Variants in PRDM16 observed in about 807,000 individuals in gnomAD.
PRDM16 encodes the protein histone-lysine N-methyltransferase PRDM16.
PRDM16 carries 23 observed loss-of-function variants against 110.6 expected under a neutral mutation model. The observed-to-expected ratio is 0.21, with a 90% CI of 0.15 to 0.29. PRDM16 has a LOEUF of 0.29. Ranked by LOEUF, PRDM16 falls within the 10% of genes least tolerant of loss-of-function variation. The pLI is 1.00. For synonymous variants in PRDM16, 799 were observed against 781.8 expected, an observed-to-expected ratio of 1.02 and a Z score of -0.37; for missense variants, 1,615 against 1,794.3, an observed-to-expected ratio of 0.90 and a Z score of 1.81.
rs117150953 is a variant in PRDM16 at position 3,237,623 on chromosome 1, C to T, written c.388-6464C>T. Among the ~76,000 whole-genome samples, 30 of 152,342 alleles carry T rather than the reference C, an allele frequency of 2.0e-4. No homozygotes were observed. The East Asian group carries it at 5.4e-3, about 27-fold the overall frequency. ...CATGAAGGGGTGTGGAGCCTGCTCC[C>T]GGGGGCCAGGGAGAGGAAGAGCAGT... is the stretch of plus-strand genomic sequence containing the variant. On this transcript the variant is annotated intron_variant, in intron 2 of 16. Transcript: ENST00000270722.
chr1:3,124,171 G>A (rs544670560), intron 1 of PRDM16, among the ~76,000 whole-genome samples: 1 of 152,344 alleles, frequency 6.6e-6, no homozygotes, highest in African/African-American at 2.4e-5. Flanking sequence ...GGCCACAGTG[G>A]CTCCTGGAGT....
At chr1:3,348,081 T>C (rs1642398121) in intron 3 of PRDM16, among the ~76,000 whole-genome samples, 2 of 152,226 alleles carry the variant, frequency 1.3e-5, no homozygotes, top group East Asian at 1.9e-4. Context: ...GGGCAGCCTG[T>C]GTCCATCTGC....
intron 3 of PRDM16, among the ~76,000 whole-genome samples, chr1:3,284,077 T>A (rs934279670): frequency 1.3e-5 from 2 of 152,106 alleles, no homozygotes; most frequent in African/African-American, 2.4e-5. Flanking sequence ...CATCCTCCCA[T>A]GGCCTGGGCC....
chr1:3,406,123 T>C (rs1643557695), intron 8 of PRDM16, among the ~76,000 whole-genome samples: 1 of 152,196 alleles, frequency 6.6e-6, no homozygotes, highest in Non-Finnish European at 1.5e-5. Flanking sequence ...TGCCCAGTGC[T>C]GTTCCAGTGC....
chr1:3,373,164 A>AC (rs1642933895), intron 3 of PRDM16, among the ~76,000 whole-genome samples: 1 of 152,104 alleles, frequency 6.6e-6, no homozygotes, highest in South Asian at 2.1e-4. Flanking sequence ...TCTTGGGAGC[A>AC]CGGGGGTTAG....
At chr1:3,204,138 G>A (rs1638695588) in intron 2 of PRDM16, among the ~76,000 whole-genome samples, 1 of 152,232 alleles carries the variant, frequency 6.6e-6, no homozygotes, top group Non-Finnish European at 1.5e-5. Context: ...TTTAAGGCCG[G>A]CGTTTTTAGC....
At chr1:3,173,081 G>C (rs1233508617) in intron 1 of PRDM16, among the ~76,000 whole-genome samples, 2 of 152,234 alleles carry the variant, frequency 1.3e-5, no homozygotes, top group Non-Finnish European at 2.9e-5. Context: ...GGGTTAAGGA[G>C]AGGCACCCCG....
intron 2 of PRDM16, among the ~76,000 whole-genome samples, chr1:3,197,611 C>T (rs952803070): frequency 6.6e-6 from 1 of 152,258 alleles, no homozygotes. Flanking sequence ...GAAGAATCTA[C>T]AGTACAGATC....
intron 12 of PRDM16, among the ~76,000 whole-genome samples, chr1:3,422,281 GGACA>G (rs1192807658): frequency 4.3e-5 from 6 of 139,312 alleles, no homozygotes; most frequent in Non-Finnish European, 9.4e-5. Flanking sequence ...ACAGACAGAT[GGACA>G]GACAGGCAGG....
Position 3,069,835 on chromosome 1 carries a change from C to T in PRDM16, c.37+539C>T, listed in dbSNP as rs940510779. On this transcript the variant is annotated intron_variant, in intron 1 of 16. Transcript: ENST00000270722. This position sits in a 1 kb window ranked among gnomAD's most constrained non-coding sequence, Gnocchi z 6.1. ...GGGCGCAGAGGAGGGAGACCCCGAG[C>T]CGGGGAGGGGCGGAGGAGGGGGCGC... Among the ~76,000 whole-genome samples the T allele has an allele frequency of 2.0e-5, 3 of 151,936 alleles. No individual in the cohort carries two copies. The highest frequency in any genetic ancestry group is 2.0e-4 in the East Asian group (1 of 5,124).
rs147651734 is a variant in PRDM16 at position 3,368,848 on chromosome 1, C to A, written c.439-16304C>A. Among the ~76,000 whole-genome samples, 13 of 152,274 alleles carry A rather than the reference C, an allele frequency of 8.5e-5. No homozygotes were observed. The East Asian group carries it at 2.5e-3, about 29-fold the overall frequency. On this transcript the variant is annotated intron_variant, in intron 3 of 16. Coordinates refer to ENST00000270722, the MANE Select transcript of PRDM16 (RefSeq NM_022114.4). ...TCAACAGAAAAAAAAATAGCAATAG[C>A]AAAATCCACAAAGAAAGATCAGGAT...
In PRDM16 at chr1:3,246,243, C is replaced by T. The variant is rs535255504; in HGVS notation, c.438+2106C>T. 2.6e-5 allele frequency among the ~76,000 whole-genome samples: 4 copies of T among 152,250 alleles called. No individual in the cohort carries two copies. The highest frequency in any genetic ancestry group is 4.4e-5 in the Non-Finnish European group (3 of 68,022). ...TGTGGCCCAAGGTCATTCTTGAGAG[C>T]GGCTCCCGGGGTGGGCATGAGATGC... On this transcript the variant is annotated intron_variant, in intron 3 of 16. Transcript: ENST00000270722. This position sits in a 1 kb window ranked among gnomAD's most constrained non-coding sequence, Gnocchi z 5.2.
chr1:3,123,913 T>TC lies in PRDM16; in HGVS notation c.37+54619dup, dbSNP rs201059469. On this transcript the variant is annotated intron_variant, in intron 1 of 16. Transcript: ENST00000270722. ...TGTCAAGGTTAAATGAGGCCCTGTC[T>TC]CCGAGCACCTGGGCTCGGGTGGGGC... 5.9e-3 allele frequency among the ~76,000 whole-genome samples: 892 copies of TC among 152,304 alleles called. 7 individuals carry two copies. The highest frequency in any genetic ancestry group is 0.02 in the African/African-American group (838 of 41,564).
chr1:3,140,827 G>A (rs767450573), intron 1 of PRDM16, among the ~76,000 whole-genome samples: 7 of 152,218 alleles, frequency 4.6e-5, no homozygotes, highest in South Asian at 2.1e-4. Context: ...ATGGTACGAC[G>A]GATGGGCTTC....
chr1:3,146,877 T>C (rs1207734155), intron 1 of PRDM16, among the ~76,000 whole-genome samples: 1 of 59,860 alleles, frequency 1.7e-5, no homozygotes, highest in African/African-American at 7.0e-5. Context: ...GCACGTGTGT[T>C]TGGTGTGGGG....
At chr1:3,087,757 C>T (rs985747820) in intron 1 of PRDM16, among the ~76,000 whole-genome samples, 1 of 152,142 alleles carries the variant, frequency 6.6e-6, no homozygotes, top group Non-Finnish European at 1.5e-5. Context: ...TTGTGTCTGC[C>T]AGTACCATAT....
intron 2 of PRDM16, among the ~76,000 whole-genome samples, chr1:3,192,952 C>T (rs1044256049): frequency 3.9e-5 from 6 of 152,286 alleles, no homozygotes; most frequent in South Asian, 2.1e-4. Context: ...TGCAATTGAG[C>T]GAGATCCCTG....
chr1:3,090,602 C>T (rs1016160205), intron 1 of PRDM16, among the ~76,000 whole-genome samples: 2 of 152,224 alleles, frequency 1.3e-5, no homozygotes, highest in African/African-American at 4.8e-5. Flanking sequence ...TGGGTGCCCA[C>T]GCCCGAGGGC....
rs973864722 is a variant in PRDM16, at chr1:3,080,869, A to G, written c.37+11573A>G. Among the ~76,000 whole-genome samples the G allele has an allele frequency of 1.3e-5, 2 of 151,994 alleles. No individual in the cohort carries two copies. The highest frequency in any genetic ancestry group is 4.8e-5 in the African/African-American group (2 of 41,426). On this transcript the variant is annotated intron_variant, in intron 1 of 16. Coordinates refer to ENST00000270722, the MANE Select transcript of PRDM16 (RefSeq NM_022114.4). This position sits in a 1 kb window ranked among gnomAD's most constrained non-coding sequence, Gnocchi z 5.2. The stretch of plus-strand genomic sequence containing the variant: ...TCGGCGTCTCCGACCCTGAGCCCAC[A>G]TGAGTAGCAGAACCCCGGCCCGAGC...
Sources: allele counts gnomAD v4.1 joint callset (sites outside exome capture counted in the v4.1 genomes callset), GRCh38; gene constraint gnomAD v4.1.1; non-coding constraint Gnocchi (gnomAD v3.1); transcripts MANE v1.5; gene names NCBI Gene and HGNC (gene_info 2026-07-23, HGNC 2026-07-21).